DPP10: variants seen among roughly 807,000 people sequenced by gnomAD.
The protein encoded by DPP10 is dipeptidyl peptidase like 10.
Under a neutral mutation model 120.9 loss-of-function variants are expected in DPP10, and 33 were observed. The ratio of observed to expected loss-of-function variants is 0.27; its 90% CI spans 0.21 to 0.37. DPP10 has a LOEUF of 0.37. Ranked by LOEUF, DPP10 falls within the 10% of genes least tolerant of loss-of-function variation. DPP10 has a pLI of 1.00. For missense variants in DPP10, 816 were observed against 942.8 expected (o/e 0.87, Z 1.76); for synonymous variants, 337 against 326.1 (o/e 1.03, Z -0.36).
chr2:115,189,642 G>A (rs937916207), intron 1 of DPP10, among the ~76,000 whole-genome samples: 10 of 151,972 alleles, frequency 6.6e-5, no homozygotes, highest in Non-Finnish European at 1.0e-4. Flanking sequence ...AACATGACTT[G>A]GCTTAGTTGT....
chr2:115,721,832 A>G (rs2092657041), intron 7 of DPP10, among the ~76,000 whole-genome samples: 1 of 152,218 alleles, frequency 6.6e-6, no homozygotes, highest in Non-Finnish European at 1.5e-5. Context: ...TATTCACAAT[A>G]GCCAGGATGT....
chr2:115,038,769 A>G (rs1434849235), intron 1 of DPP10, among the ~76,000 whole-genome samples: 1 of 152,202 alleles, frequency 6.6e-6, no homozygotes, highest in African/African-American at 2.4e-5. Flanking sequence ...TTTACAAGTA[A>G]GGAAGCTGAA....
chr2:114,858,882 G>C (rs2106519264), intron 1 of DPP10, among the ~76,000 whole-genome samples: 1 of 152,262 alleles, frequency 6.6e-6, no homozygotes, highest in African/African-American at 2.4e-5. Context: ...GGCAGCTAAT[G>C]AGAGCCAGAA....
chr2:115,635,474 C>T (rs2086251627), intron 5 of DPP10, among the ~76,000 whole-genome samples: 1 of 152,184 alleles, frequency 6.6e-6, no homozygotes, highest in African/African-American at 2.4e-5. Flanking sequence ...CCTAGGTGGG[C>T]TGTGGCACCA....
intron 1 of DPP10, among the ~76,000 whole-genome samples, chr2:115,222,821 G>A (rs927719112): frequency 2.6e-5 from 4 of 151,602 alleles, no homozygotes; most frequent in African/African-American, 9.7e-5. Context: ...ATATCCTATT[G>A]CAAATTTGGG....
At chr2:115,213,902 G>A (rs919957624) in intron 1 of DPP10, among the ~76,000 whole-genome samples, 2 of 152,024 alleles carry the variant, frequency 1.3e-5, no homozygotes, top group African/African-American at 2.4e-5. Context: ...CACTGACTGA[G>A]GTTCCTAAGT....
At chr2:115,089,559 A>G (rs1459781905) in intron 1 of DPP10, among the ~76,000 whole-genome samples, 1 of 152,176 alleles carries the variant, frequency 6.6e-6, no homozygotes. Flanking sequence ...TAAAATAATA[A>G]TAATAGCCAC....
intron 1 of DPP10, among the ~76,000 whole-genome samples, chr2:115,272,236 G>A (rs1234177272): frequency 6.6e-6 from 1 of 152,156 alleles, no homozygotes; most frequent in African/African-American, 2.4e-5. Context: ...CTATTAGATG[G>A]AGAAATGAAT....
intron 1 of DPP10, among the ~76,000 whole-genome samples, chr2:114,924,923 A>G (rs904895305): frequency 6.6e-6 from 1 of 152,190 alleles, no homozygotes. Flanking sequence ...TGTTAAAAAC[A>G]TAGGTTGGCT....
At chr2:114,629,325 A>T (rs1378959496) in intron 1 of DPP10, among the ~76,000 whole-genome samples, 1 of 152,176 alleles carries the variant, frequency 6.6e-6, no homozygotes, top group Non-Finnish European at 1.5e-5. Flanking sequence ...GGACTTATTG[A>T]TTACAGAAAA....
intron 1 of DPP10, among the ~76,000 whole-genome samples, chr2:115,287,331 G>A (rs751268052): frequency 6.6e-5 from 10 of 151,894 alleles, no homozygotes; most frequent in South Asian, 2.1e-4. Flanking sequence ...GGTACAAGTC[G>A]TGCTGGGTTA....
At chr2:115,282,261 T>C (rs746733749) in intron 1 of DPP10, among the ~76,000 whole-genome samples, 6 of 152,128 alleles carry the variant, frequency 3.9e-5, no homozygotes, top group Middle Eastern at 3.2e-3. Flanking sequence ...TTTTTGTCTT[T>C]CTACATGTAT....
chr2:115,112,934 C>T (rs967263871), intron 1 of DPP10, among the ~76,000 whole-genome samples: 4 of 152,074 alleles, frequency 2.6e-5, no homozygotes, highest in African/African-American at 4.8e-5. Context: ...CTGGTATTTT[C>T]GTTCACATTT....
intron 1 of DPP10, among the ~76,000 whole-genome samples, chr2:115,239,318 A>C (rs2058154106): frequency 6.6e-6 from 1 of 152,226 alleles, no homozygotes; most frequent in East Asian, 1.9e-4. Context: ...ATCACATGCC[A>C]CAGATAAATA....
intron 5 of DPP10, among the ~76,000 whole-genome samples, chr2:115,681,038 T>G (rs2090615632): frequency 1.3e-5 from 2 of 151,902 alleles, no homozygotes; most frequent in Non-Finnish European, 2.9e-5. Flanking sequence ...TTGAAATAAT[T>G]TAAATTACCT....
chr2:115,457,145 T>C (rs1019056699), intron 3 of DPP10, among the ~76,000 whole-genome samples: 2 of 151,530 alleles, frequency 1.3e-5, no homozygotes, highest in African/African-American at 2.4e-5. Flanking sequence ...TTTAAAAAAA[T>C]AGCAAGGCAA....
chr2:115,443,378 G>A (rs843407), intron 3 of DPP10, among the ~76,000 whole-genome samples: 25,968 of 152,080 alleles, frequency 0.17, 5,199 homozygotes, highest in African/African-American at 0.48. Flanking sequence ...AACAACTCAT[G>A]GACTGTGAAA....
At position 115,303,926 on chromosome 2, in the gene DPP10, G is replaced by A. The variant is rs150325832; in HGVS notation, c.61-5313G>A. On this transcript the variant is annotated intron_variant, in intron 1 of 25. Transcript: ENST00000410059. ...TTGTAAGAGCATGTTTCTTTAAGAT[G>A]GAGTTTATTCCAGGTATCTTTTAAA... is the stretch of plus-strand genomic sequence containing the variant. Among the ~76,000 whole-genome samples the A allele has an allele frequency of 2.6e-3, 391 of 151,946 alleles. 5 individuals carry two copies. The highest frequency in any genetic ancestry group is 9.1e-3 in the African/African-American group (379 of 41,516).
At chr2:115,369,205 G>A (rs1295089473) in intron 3 of DPP10, among the ~76,000 whole-genome samples, 1 of 151,958 alleles carries the variant, frequency 6.6e-6, no homozygotes, top group African/African-American at 2.4e-5. Context: ...AGCCATGTTA[G>A]GCTGAAAGTA....
Sources: allele counts gnomAD v4.1 joint callset (sites outside exome capture counted in the v4.1 genomes callset), GRCh38; gene constraint gnomAD v4.1.1; transcripts MANE v1.5; gene names NCBI Gene and HGNC (gene_info 2026-07-23, HGNC 2026-07-21).